Variants in NECTIN2 observed in about 807,000 individuals in gnomAD.
The protein encoded by NECTIN2 is nectin cell adhesion molecule 2.
Under a neutral mutation model 56.9 loss-of-function variants are expected in NECTIN2, and 23 were observed. That is an observed-to-expected ratio of 0.40 (90% CI 0.29 to 0.57). The LOEUF is 0.57. Among genes scored for constraint, NECTIN2 ranks in the 20% least tolerant of loss-of-function variants. The probability of loss-of-function intolerance (pLI) is 0.38; values close to 1 mark genes in which losing one functional copy is unlikely to be tolerated. For synonymous variants in NECTIN2, 302 were observed against 313.8 expected, an observed-to-expected ratio of 0.96 and a Z score of 0.40; for missense variants, 587 against 718.3, an observed-to-expected ratio of 0.82 and a Z score of 2.09.
intron 5 of NECTIN2, among the ~76,000 whole-genome samples, chr19:44,879,960 G>A (rs1969289694): frequency 6.6e-6 from 1 of 152,058 alleles, no homozygotes; most frequent in African/African-American, 2.4e-5. Flanking sequence ...TAGGATGAAG[G>A]TGTGTGTGTG....
intron 5 of NECTIN2, among the ~76,000 whole-genome samples, chr19:44,879,180 G>C (rs1452999435): frequency 6.6e-6 from 1 of 152,094 alleles, no homozygotes; most frequent in Non-Finnish European, 1.5e-5. Context: ...ACTGGATTGG[G>C]GACTCAGAGG....
At chr19:44,878,207 TTCTC>T in intron 5 of NECTIN2, 1 of 645,218 alleles carries the variant, frequency 1.5e-6, no homozygotes, top group Non-Finnish European at 2.8e-6. Flanking sequence ...TCACCCCTCC[TTCTC>T]TCTCTCCTCA....
At position 44,874,555 on chromosome 19, in the gene NECTIN2, G is replaced by A. The variant is rs570986484; in HGVS notation, c.1042+77G>A. 1.3e-6 allele frequency: 2 copies of A among 1,569,140 alleles called. No homozygotes were observed. Among genetic ancestry groups the A allele is most frequent in the South Asian group, 2.2e-5 (2 of 89,316 alleles). On this transcript the variant is annotated intron_variant, in intron 5 of 8. Transcript: ENST00000252483. The surrounding 1 kb of genome is among the most constrained non-coding windows in gnomAD (Gnocchi z 6.3). ...GTTCTGCCCTTCAGGACTTGGGGCT[G>A]CACTGGGGGAGGCTGCGCCGCCGAC...
Position 44,846,572 on chromosome 19 carries a change from C to A in NECTIN2, c.47C>A (p.Pro16Gln). Residue 16 changes from proline to glutamine, a missense_variant, in exon 1 of 9, where the codon CCG (proline) becomes CAG (glutamine). Physicochemically the swap from Pro to Gln is moderately conservative, Grantham distance 76. Transcript: ENST00000252483. ...CTGCCGTCGAGATCGCCGCCGACGC[C>A]GCTGCTGTGGCCGCTGCTGCTGCTG... ...ALLPSRSPPT[P>Q]LLWPLLLLLL... is the part of the protein sequence containing the mutation. 1 of 1,525,248 alleles carries A rather than the reference C, an allele frequency of 6.6e-7. No homozygotes were observed. Among genetic ancestry groups the A allele is most frequent in the African/African-American group, 1.4e-5 (1 of 71,312 alleles). The allele number at this position is 1,525,248 out of a possible 1,614,324, so 94.5% of individuals were successfully genotyped here.
chr19:44,878,172 T>C (rs779738066), intron 5 of NECTIN2: 6 of 625,864 alleles, frequency 9.6e-6, no homozygotes, highest in African/African-American at 7.4e-5. Flanking sequence ...ATCCTCGTGA[T>C]CTTGTGTCTC....
intron 5 of NECTIN2, among the ~76,000 whole-genome samples, chr19:44,878,045 C>T (rs1202485480): frequency 6.7e-6 from 1 of 150,050 alleles, no homozygotes; most frequent in Non-Finnish European, 1.5e-5. Flanking sequence ...GCTTCCCCAC[C>T]CCCCTCCTCC....
chr19:44,877,180 A>G (rs1380277003), intron 5 of NECTIN2, among the ~76,000 whole-genome samples: 1 of 152,124 alleles, frequency 6.6e-6, no homozygotes, highest in Non-Finnish European at 1.5e-5. Context: ...AAACAACAGA[A>G]ACAGATGTCC....
At chr19:44,866,836 G>A (rs1466826046) in intron 2 of NECTIN2, among the ~76,000 whole-genome samples, 1 of 152,064 alleles carries the variant, frequency 6.6e-6, no homozygotes, top group Admixed American at 6.6e-5. Flanking sequence ...TGTTGGGAGG[G>A]GAAAGAATGG....
At chr19:44,869,743 G>A (rs564806600) in intron 2 of NECTIN2, among the ~76,000 whole-genome samples, 1 of 152,130 alleles carries the variant, frequency 6.6e-6, no homozygotes, top group East Asian at 1.9e-4. Flanking sequence ...TTGCAAGTGA[G>A]CTTTTGTTTG....
intron 1 of NECTIN2, among the ~76,000 whole-genome samples, chr19:44,859,427 G>C (rs986981092): frequency 1.3e-5 from 2 of 152,184 alleles, no homozygotes; most frequent in Non-Finnish European, 2.9e-5. Context: ...CAAGGTCGCA[G>C]AGCCAGGATT....
chr19:44,846,581 GGCC>G lies in NECTIN2; in HGVS notation c.59_61del (p.Pro20del). 1 of 1,525,010 alleles carries G rather than the reference GGCC, an allele frequency of 6.6e-7. No individual in the cohort carries two copies. 94.5% of individuals were successfully genotyped at this position (1,525,010 alleles called of 1,614,324 possible). A position where few individuals can be genotyped will look rare whatever the true frequency, so the allele number is the denominator to read the frequency against. On this transcript the variant is annotated inframe_deletion, in exon 1 of 9. Transcript: ENST00000252483. ...AGATCGCCGCCGACGCCGCTGCTGTGGCCGCTGCTGCTGCTGCTGCTCCTGGAA... is the reference window on the plus strand; with the variant it reads ...AGATCGCCGCCGACGCCGCTGCTGTGGCTGCTGCTGCTGCTGCTCCTGGAA...
intron 6 of NECTIN2, 107 bp from the exon 7 acceptor site, chr19:44,885,830 G>A: frequency 1.1e-6 from 1 of 871,954 alleles, no homozygotes; most frequent in East Asian, 2.4e-5. Flanking sequence ...AGAAAAGGGG[G>A]CAGGGGAAAG....
rs1448435723 is a variant in NECTIN2, at chr19:44,846,393, C to G, written c.-133C>G. The G allele has an allele frequency of 3.4e-6, 4 of 1,160,394 alleles. No homozygotes were observed. The highest frequency in any genetic ancestry group is 3.4e-6 in the Non-Finnish European group (3 of 881,010). The allele number at this position is 1,160,394 out of a possible 1,614,324, so 71.9% of individuals were successfully genotyped here. On this transcript the variant is annotated 5_prime_UTR_variant, in exon 1 of 9. Transcript: ENST00000252483. ...GGGCCGGGAGAGCAGAACAGGGAGG[C>G]TAGAGCGCAGCGGGAACCGGCCCGG...
In NECTIN2 at chr19:44,874,526, T is replaced by G. The variant is rs771131253; in HGVS notation, c.1042+48T>G. 3 of 1,603,326 alleles carry G rather than the reference T, an allele frequency of 1.9e-6. No individual in the cohort carries two copies. The highest frequency in any genetic ancestry group is 2.5e-6 in the Non-Finnish European group (3 of 1,177,908). ...GTGTGGAGACCTGGGTCCGCTCCCC[T>G]GGAGTTCTGCCCTTCAGGACTTGGG... is the stretch of plus-strand genomic sequence containing the variant. On this transcript the variant is annotated intron_variant, in intron 5 of 8. Transcript: ENST00000252483. The surrounding 1 kb of genome is among the most constrained non-coding windows in gnomAD (Gnocchi z 6.3).
intron 8 of NECTIN2, among the ~76,000 whole-genome samples, 173 bp downstream of exon 8, chr19:44,886,392 G>A (rs896681411): frequency 6.6e-6 from 1 of 152,162 alleles, no homozygotes; most frequent in African/African-American, 2.4e-5. Context: ...GGAGGTCAGG[G>A]GTGAAAAGGC....
intron 2 of NECTIN2, among the ~76,000 whole-genome samples, chr19:44,867,021 A>T (rs41290098): frequency 0.15 from 22,545 of 146,876 alleles, 2,101 homozygotes; most frequent in East Asian, 0.46. Flanking sequence ...GACAAAAAAA[A>T]TTTTTTTTTT....
intron 6 of NECTIN2, among the ~76,000 whole-genome samples, chr19:44,882,876 G>A (rs1003047726): frequency 1.3e-5 from 2 of 151,366 alleles, no homozygotes; most frequent in Non-Finnish European, 2.9e-5. Context: ...CTGCCTCCCA[G>A]GTTAAAGCAA....
intron 5 of NECTIN2, among the ~76,000 whole-genome samples, chr19:44,880,223 T>C (rs764834335): frequency 2.1e-5 from 3 of 144,942 alleles, no homozygotes; most frequent in Admixed American, 1.4e-4. Flanking sequence ...GGGCGGGGAA[T>C]TGGGTCCGCC....
In NECTIN2 at chr19:44,874,130, C is replaced by T. The variant is rs1969209336; in HGVS notation, c.893+97C>T. 8.1e-7 allele frequency: 1 copy of T among 1,227,972 alleles called. No individual in the cohort carries two copies. Among genetic ancestry groups the T allele is most frequent in the South Asian group, 1.3e-5 (1 of 74,118 alleles). The allele number at this position is 1,227,972 out of a possible 1,614,324, so 76.1% of individuals were successfully genotyped here. On this transcript the variant is annotated intron_variant, in intron 4 of 8. Coordinates refer to ENST00000252483, the MANE Select transcript of NECTIN2 (RefSeq NM_001042724.2). The surrounding 1 kb of genome is among the most constrained non-coding windows in gnomAD (Gnocchi z 6.3). Reference sequence around the variant, plus strand: ...GGAGGAGGGGCTGGGGGCCTGGACTCCTGGATCTGAGGGAGGAGGGGCTGG... The same window carrying T: ...GGAGGAGGGGCTGGGGGCCTGGACTTCTGGATCTGAGGGAGGAGGGGCTGG...
Sources: gnomAD v4.1 joint callset for allele counts (sites outside exome capture counted in the v4.1 genomes callset) on GRCh38, gnomAD v4.1.1 for gene constraint, Gnocchi (gnomAD v3.1) non-coding constraint, MANE v1.5 for transcripts, NCBI Gene and HGNC (gene_info 2026-07-23, HGNC 2026-07-21) for gene names.